QKI: variants seen among roughly 807,000 people sequenced by gnomAD.
QKI encodes QKI, KH domain containing RNA binding.
A neutral mutation model predicts 39.0 loss-of-function variants in QKI; 10 were observed. The ratio of observed to expected loss-of-function variants is 0.26; its 90% confidence interval spans 0.16 to 0.43. The LOEUF (loss-of-function observed/expected upper bound fraction) is 0.43. QKI is among the 20% of genes least tolerant of loss of function. The pLI is 1.00. For synonymous variants in QKI, 204 were observed against 155.4 expected (o/e 1.31, Z -2.33); for missense variants, 218 against 428.0 (o/e 0.51, Z 4.33).
intron 2 of QKI, among the ~76,000 whole-genome samples, chr6:163,456,983 T>C (rs1790968324): frequency 6.6e-6 from 1 of 152,138 alleles, no homozygotes; most frequent in African/African-American, 2.4e-5. Context: ...TGAGGTTATC[T>C]ACCATTACCT....
At chr6:163,541,605 C>T (rs1781523515) in intron 4 of QKI, among the ~76,000 whole-genome samples, 1 of 151,220 alleles carries the variant, frequency 6.6e-6, no homozygotes, top group Non-Finnish European at 1.5e-5. Flanking sequence ...TTCTTGATGG[C>T]ACTGAAAGGG....
chr6:163,468,658 G>A (rs1165876258), intron 2 of QKI, among the ~76,000 whole-genome samples: 4 of 152,092 alleles, frequency 2.6e-5, no homozygotes, highest in Non-Finnish European at 5.9e-5. Flanking sequence ...CCACAGAGAA[G>A]GTCTGTATTT....
chr6:163,569,981 G>C, intron 7 of QKI: 1 of 986,376 alleles, frequency 1.0e-6, no homozygotes, highest in Non-Finnish European at 1.2e-6. Flanking sequence ...CAACTGGAAA[G>C]TGTTGGCTAG....
At chr6:163,534,838 C>T (rs1781096854) in intron 3 of QKI, 144 bp from the exon 4 acceptor site, 2 of 638,904 alleles carry the variant, frequency 3.1e-6, no homozygotes, top group African/African-American at 1.9e-5. Flanking sequence ...TTTGAGGACC[C>T]AGAAAAATAA....
chr6:163,444,502 A>C (rs1369690899), intron 1 of QKI, among the ~76,000 whole-genome samples: 1 of 152,050 alleles, frequency 6.6e-6, no homozygotes, highest in Non-Finnish European at 1.5e-5. Context: ...TTCTTTAAGG[A>C]AAGTTCAAAG....
chr6:163,473,022 T>C (rs1371309140), intron 2 of QKI, among the ~76,000 whole-genome samples: 5 of 152,060 alleles, frequency 3.3e-5, no homozygotes, highest in Non-Finnish European at 5.9e-5. Flanking sequence ...AGAGTAGAAA[T>C]CAATTAAAGA....
At chr6:163,542,372 G>T (rs898392911) in intron 4 of QKI, among the ~76,000 whole-genome samples, 1 of 151,930 alleles carries the variant, frequency 6.6e-6, no homozygotes, top group African/African-American at 2.4e-5. Context: ...AAACACACAA[G>T]AATGGTGAAA....
intron 1 of QKI, among the ~76,000 whole-genome samples, chr6:163,432,480 A>G (rs1788910901): frequency 1.3e-5 from 2 of 151,512 alleles, no homozygotes; most frequent in South Asian, 4.2e-4. Context: ...TGCATCCTCT[A>G]ACTCCTGGGC....
intron 1 of QKI, among the ~76,000 whole-genome samples, chr6:163,437,924 TA>T (rs1211032589): frequency 3.3e-5 from 5 of 152,164 alleles, no homozygotes; most frequent in Non-Finnish European, 7.4e-5. Flanking sequence ...TCTGACCTTT[TA>T]AAAAGAGTGT....
At position 163,573,125 on chromosome 6, in the gene QKI, C is replaced by T. The variant is rs895215112; in HGVS notation, c.*2415C>T. 2.6e-5 allele frequency: 4 copies of T among 152,088 alleles called. No homozygotes were observed. Among genetic ancestry groups the T allele is most frequent in the Admixed American group, 6.5e-5 (1 of 15,270 alleles). The allele number at this position is 152,088 out of a possible 1,614,324, so 9.4% of individuals were successfully genotyped here. A position where few individuals can be genotyped will look rare whatever the true frequency, so the allele number is the denominator to read the frequency against. On this transcript the variant is annotated 3_prime_UTR_variant, in exon 8 of 8. Transcript: ENST00000361752. ...AATGTATGAAATAATAAATGTGTGA[C>T]ATTTATAGGGAATGTTGGCTCTGAA...
At chr6:163,561,523 G>C (rs1783009170) in intron 4 of QKI, among the ~76,000 whole-genome samples, 1 of 152,130 alleles carries the variant, frequency 6.6e-6, no homozygotes, top group Admixed American at 6.5e-5. Flanking sequence ...TAGGAGGATG[G>C]CTCGAACCTA....
At chr6:163,502,596 A>C (rs1778842499) in intron 3 of QKI, among the ~76,000 whole-genome samples, 1 of 152,150 alleles carries the variant, frequency 6.6e-6, no homozygotes, top group Non-Finnish European at 1.5e-5. Flanking sequence ...TTGTAGGTTG[A>C]ATCTAAGAGA....
intron 2 of QKI, among the ~76,000 whole-genome samples, chr6:163,474,940 ATAACT>A (rs138660189): frequency 0.028 from 4,279 of 152,140 alleles, 191 homozygotes; most frequent in African/African-American, 0.096. Context: ...GAGATGAGAG[ATAACT>A]TAACCAAATG....
Position 163,577,755 on chromosome 6 carries a change from T to C in QKI, c.*7045T>C, listed in dbSNP as rs972507406. 2.6e-5 allele frequency: 4 copies of C among 152,210 alleles called. No individual in the cohort carries two copies. Among genetic ancestry groups the C allele is most frequent in the Non-Finnish European group, 5.9e-5 (4 of 68,032 alleles). The allele number at this position is 152,210 out of a possible 1,614,324, so 9.4% of individuals were successfully genotyped here. A position where few individuals can be genotyped will look rare whatever the true frequency, so the allele number is the denominator to read the frequency against. On this transcript the variant is annotated 3_prime_UTR_variant, in exon 8 of 8. Transcript: ENST00000361752. ...GCTTCTCAAAAGGGGTGACATAAAATCAGTTTTGATGTTTTTCCTCCTGAA... is the reference window on the plus strand; with the variant it reads ...GCTTCTCAAAAGGGGTGACATAAAACCAGTTTTGATGTTTTTCCTCCTGAA...
intron 2 of QKI, among the ~76,000 whole-genome samples, chr6:163,477,310 C>T (rs1792700815): frequency 6.6e-6 from 1 of 152,124 alleles, no homozygotes; most frequent in South Asian, 2.1e-4. Context: ...AGCCACTGCG[C>T]CTGGCCAATA....
chr6:163,525,558 C>T lies in QKI; in HGVS notation c.403-9424C>T, dbSNP rs1273614960. Among the ~76,000 whole-genome samples the T allele has an allele frequency of 3.9e-5, 6 of 152,170 alleles. No individual in the cohort carries two copies. The East Asian group carries it at 5.8e-4, about 15-fold the overall frequency. ...ATTTTTAGTAGAGATGGGGTTTTGCCGTGTCGGCCAGGCTGGTCTCAAACT... is the reference window on the plus strand; with the variant it reads ...ATTTTTAGTAGAGATGGGGTTTTGCTGTGTCGGCCAGGCTGGTCTCAAACT... On this transcript the variant is annotated intron_variant, in intron 3 of 7. Transcript: ENST00000361752.
chr6:163,499,371 A>C (rs896660476), intron 3 of QKI, among the ~76,000 whole-genome samples: 4 of 152,176 alleles, frequency 2.6e-5, no homozygotes, highest in African/African-American at 9.7e-5. Context: ...TTTTTTGACG[A>C]TAAAGAGATG....
chr6:163,474,015 A>T (rs1209434280), intron 2 of QKI, among the ~76,000 whole-genome samples: 2 of 152,222 alleles, frequency 1.3e-5, no homozygotes, highest in Non-Finnish European at 2.9e-5. Flanking sequence ...ATTGAATTTG[A>T]AATTAAATTT....
At chr6:163,419,216 TTAAA>T (rs1448114917) in intron 1 of QKI, among the ~76,000 whole-genome samples, 10 of 152,200 alleles carry the variant, frequency 6.6e-5, no homozygotes, top group East Asian at 3.8e-4. Flanking sequence ...TAAAACTTGC[TTAAA>T]TAGTTGCTAT....
Sources: allele counts gnomAD v4.1 joint callset (sites outside exome capture counted in the v4.1 genomes callset), GRCh38; gene constraint gnomAD v4.1.1; transcripts MANE v1.5; gene names NCBI Gene and HGNC (gene_info 2026-07-23, HGNC 2026-07-21).